The following PLCB1 variants were observed in gnomAD, a reference collection of about 807,000 sequenced individuals.
PLCB1 encodes phospholipase C beta 1, also known as 1-phosphatidylinositol 4,5-bisphosphate phosphodiesterase beta-1.
Under a neutral mutation model 161.8 loss-of-function variants are expected in PLCB1, and 46 were observed. The observed-to-expected ratio is 0.28, with a 90% CI of 0.22 to 0.36. The LOEUF is 0.36. Ranked by LOEUF, PLCB1 falls within the 10% of genes least tolerant of loss-of-function variation. PLCB1 has a pLI of 1.00. For missense variants in PLCB1, 1,016 were observed against 1,472.5 expected, an observed-to-expected ratio of 0.69 and a Z score of 5.07; for synonymous variants, 517 against 503.7, an observed-to-expected ratio of 1.03 and a Z score of -0.35.
At chr20:8,670,875 C>T (rs146196295) in intron 9 of PLCB1, among the ~76,000 whole-genome samples, 20 of 152,298 alleles carry the variant, frequency 1.3e-4, no homozygotes, top group East Asian at 5.8e-4. Flanking sequence ...TAGCAGAATT[C>T]GCAAGGGCCA....
At chr20:8,523,557 A>C in intron 3 of PLCB1, among the ~76,000 whole-genome samples, 1 of 140,316 alleles carries the variant, frequency 7.1e-6, no homozygotes, top group South Asian at 2.2e-4. Flanking sequence ...AAGAGAAAAA[A>C]AGGAAAGCAC....
chr20:8,301,597 C>G lies in PLCB1; in HGVS notation c.178-69785C>G, dbSNP rs1282343441. ...CTCCACACACTAGACACATGCAACTCCTGCTGCCACTGGGTTGTGATCCCC... is the reference window on the plus strand; with the variant it reads ...CTCCACACACTAGACACATGCAACTGCTGCTGCCACTGGGTTGTGATCCCC... On this transcript the variant is annotated intron_variant, in intron 2 of 31. Coordinates refer to ENST00000338037, the MANE Select transcript of PLCB1 (RefSeq NM_015192.4). Among the ~76,000 whole-genome samples, 3 of 152,122 alleles carry G rather than the reference C, an allele frequency of 2.0e-5. No individual in the cohort carries two copies. The East Asian group carries it at 5.8e-4, about 29-fold the overall frequency.
At position 8,717,717 on chromosome 20, in the gene PLCB1, A is replaced by C; in HGVS notation, c.1382A>C (p.Lys461Thr). ...CCAAGCCCTATGGATTTAATGTATA[A>C]AATTTTGGTGAAAAATAAGAAGAAA... ...PLPSPMDLMY[K>T]ILVKNKKKSH... is the part of the protein sequence containing the mutation. Residue 461 changes from lysine to threonine, a missense_variant, in exon 14 of 32, where the codon AAA becomes ACA. Lys to Thr is a moderately conservative substitution (Grantham distance 78). This residue lies in a region of PLCB1 where 109 missense variants were observed against 129.7 expected (regional missense o/e 0.84). Transcript: ENST00000338037. The C allele has an allele frequency of 6.2e-7, 1 of 1,613,708 alleles. No individual in the cohort carries two copies. Among genetic ancestry groups the C allele is most frequent in the East Asian group, 2.2e-5 (1 of 44,866 alleles).
chr20:8,168,469 A>G (rs2051697549), intron 2 of PLCB1, among the ~76,000 whole-genome samples: 1 of 152,104 alleles, frequency 6.6e-6, no homozygotes, highest in South Asian at 2.1e-4. Flanking sequence ...GTCTCTCACC[A>G]TACCCTAGAC....
At chr20:8,638,833 G>T (rs367891551) in intron 4 of PLCB1, among the ~76,000 whole-genome samples, 1 of 151,818 alleles carries the variant, frequency 6.6e-6, no homozygotes, top group African/African-American at 2.4e-5. Flanking sequence ...TAAGATATAT[G>T]AATATTGGAG....
At chr20:8,725,514 C>T (rs893823047) in intron 16 of PLCB1, among the ~76,000 whole-genome samples, 1 of 152,128 alleles carries the variant, frequency 6.6e-6, no homozygotes, top group Non-Finnish European at 1.5e-5. Flanking sequence ...ATCCAAGCCT[C>T]TACCAAACAC....
intron 3 of PLCB1, among the ~76,000 whole-genome samples, chr20:8,584,387 G>T (rs6055923): frequency 0.5 from 75,253 of 151,752 alleles, 20,905 homozygotes; most frequent in African/African-American, 0.76. Context: ...AAATTTTACT[G>T]CTTAGTAAGG....
chr20:8,636,676 G>T (rs1271416732), intron 4 of PLCB1, among the ~76,000 whole-genome samples: 4 of 152,160 alleles, frequency 2.6e-5, no homozygotes, highest in Non-Finnish European at 5.9e-5. Flanking sequence ...TGTCTCCTGG[G>T]TGTCTTTTCT....
intron 10 of PLCB1, among the ~76,000 whole-genome samples, chr20:8,687,855 G>A (rs1297436875): frequency 6.6e-6 from 1 of 152,180 alleles, no homozygotes. Flanking sequence ...ATACCCATTA[G>A]TGGGACGGCT....
At chr20:8,662,235 T>TTATATATAATTATTATATAATTCTATAC (rs1568551350) in intron 9 of PLCB1, among the ~76,000 whole-genome samples, 8 of 115,258 alleles carry the variant, frequency 6.9e-5, no homozygotes, top group South Asian at 2.8e-4. Context: ...TAATTCTATA[T>TTATATATAATTATTATATAATTCTATAC]ATAATTATTT....
intron 2 of PLCB1, among the ~76,000 whole-genome samples, chr20:8,369,623 C>T (rs946675721): frequency 2.0e-5 from 3 of 152,170 alleles, no homozygotes; most frequent in Non-Finnish European, 2.9e-5. Context: ...AACTGTGGCA[C>T]CAGTCACTCT....
intron 23 of PLCB1, among the ~76,000 whole-genome samples, chr20:8,749,630 C>A (rs1284455922): frequency 6.6e-6 from 1 of 152,116 alleles, no homozygotes; most frequent in Non-Finnish European, 1.5e-5. Context: ...CTAATAAATT[C>A]AAGTTGGTAG....
chr20:8,457,722 A>ATG (rs1568683939), intron 3 of PLCB1, among the ~76,000 whole-genome samples: 5 of 148,460 alleles, frequency 3.4e-5, no homozygotes, highest in South Asian at 2.1e-4. Context: ...GCGCACACAC[A>ATG]CACACACACA....
chr20:8,874,083 A>T (rs1452901743), intron 31 of PLCB1, among the ~76,000 whole-genome samples: 1 of 152,094 alleles, frequency 6.6e-6, no homozygotes, highest in Admixed American at 6.5e-5. Flanking sequence ...ACCACAAAAA[A>T]TGGTAAGTAT....
chr20:8,706,940 C>T lies in PLCB1; in HGVS notation c.1168-1730C>T, dbSNP rs182173209. Among the ~76,000 whole-genome samples, 145 of 152,266 alleles carry T rather than the reference C, an allele frequency of 9.5e-4. 2 individuals carry two copies. Among genetic ancestry groups the T allele is most frequent in the African/African-American group, 2.9e-3 (120 of 41,564 alleles). Reference sequence around the variant, plus strand: ...ATACACAGAGGCATTAAGTGATTTTCCCAAGGTCACACAGCTTGCAAATCT... The same window carrying T: ...ATACACAGAGGCATTAAGTGATTTTTCCAAGGTCACACAGCTTGCAAATCT... On this transcript the variant is annotated intron_variant, in intron 11 of 31. Coordinates refer to ENST00000338037, the MANE Select transcript of PLCB1 (RefSeq NM_015192.4).
rs532359102 is a variant in PLCB1, at chr20:8,307,445, G to A, written c.178-63937G>A. ...TTGTCAATTGGAATAATCTGTCGAC[G>A]ACCTGACTGCCCACCTTTAGCATTT... On this transcript the variant is annotated intron_variant, in intron 2 of 31. Transcript: ENST00000338037. Among the ~76,000 whole-genome samples, 6 of 152,228 alleles carry A rather than the reference G, an allele frequency of 3.9e-5. No individual in the cohort carries two copies. The South Asian group carries it at 6.2e-4, about 16-fold the overall frequency.
At chr20:8,589,648 GCT>G (rs1175558992) in intron 3 of PLCB1, among the ~76,000 whole-genome samples, 3 of 109,992 alleles carry the variant, frequency 2.7e-5, no homozygotes, top group Non-Finnish European at 5.1e-5. Context: ...ACAGAGTCTT[GCT>G]CTGTCACCCA....
intron 3 of PLCB1, among the ~76,000 whole-genome samples, chr20:8,501,970 T>A (rs1468493606): frequency 1.3e-5 from 2 of 148,766 alleles, no homozygotes; most frequent in Admixed American, 6.7e-5. Flanking sequence ...CCAAAGTTGA[T>A]ATTGTTTTCT....
intron 3 of PLCB1, among the ~76,000 whole-genome samples, chr20:8,376,761 T>G (rs1987098243): frequency 6.6e-6 from 1 of 152,024 alleles, no homozygotes; most frequent in Middle Eastern, 3.4e-3. Context: ...ACCCCGTCTC[T>G]ACTAAAAATA....
Sources: allele counts gnomAD v4.1 joint callset (sites outside exome capture counted in the v4.1 genomes callset), GRCh38; gene constraint gnomAD v4.1.1; regional missense constraint gnomAD v4.1.1; transcripts MANE v1.5; gene names NCBI Gene and HGNC (gene_info 2026-07-23, HGNC 2026-07-21).